RAP1A: variants seen among roughly 807,000 people sequenced by gnomAD.
RAP1A encodes the protein ras-related protein Rap-1A.
A neutral mutation model predicts 26.4 loss-of-function variants in RAP1A; 6 were observed. That is an observed-to-expected ratio of 0.23 (90% CI 0.12 to 0.45). The LOEUF is 0.45. RAP1A is among the 20% of genes least tolerant of loss of function. RAP1A has a pLI of 0.99. For synonymous variants in RAP1A, 73 were observed against 79.4 expected, an observed-to-expected ratio of 0.92 and a Z score of 0.43; for missense variants, 121 against 217.2, an observed-to-expected ratio of 0.56 and a Z score of 2.78.
intron 1 of RAP1A, among the ~76,000 whole-genome samples, chr1:111,663,516 C>T (rs1185191543): frequency 1.3e-5 from 2 of 152,194 alleles, no homozygotes; most frequent in Admixed American, 6.5e-5. Context: ...TTGCCAGGCA[C>T]TCTCCTAAGT....
chr1:111,614,689 T>C (rs981459511), intron 1 of RAP1A, among the ~76,000 whole-genome samples: 2 of 152,298 alleles, frequency 1.3e-5, no homozygotes, highest in African/African-American at 2.4e-5. Context: ...GACTTTCTTT[T>C]TGAGGGCTAG....
At chr1:111,645,857 C>T (rs1005714001) in intron 1 of RAP1A, among the ~76,000 whole-genome samples, 2 of 151,992 alleles carry the variant, frequency 1.3e-5, no homozygotes, top group African/African-American at 4.8e-5. Flanking sequence ...TGTTGATCAC[C>T]CTTGGAGTCG....
chr1:111,638,081 A>C (rs1217352914), intron 1 of RAP1A, among the ~76,000 whole-genome samples: 9 of 151,910 alleles, frequency 5.9e-5, no homozygotes, highest in African/African-American at 1.9e-4. Context: ...TTTATATAAA[A>C]CCTACATATA....
intron 1 of RAP1A, chr1:111,563,961 CTGG>C (rs747628374): frequency 6.2e-7 from 1 of 1,605,766 alleles, no homozygotes; most frequent in African/African-American, 1.3e-5. Context: ...ATTGGTCCAA[CTGG>C]TGGTCTCTAC....
intron 1 of RAP1A, among the ~76,000 whole-genome samples, chr1:111,590,447 G>T (rs1183435384): frequency 6.6e-6 from 1 of 152,038 alleles, no homozygotes; most frequent in Non-Finnish European, 1.5e-5. Context: ...TCAAGTTAGG[G>T]AATTTCCCTC....
intron 1 of RAP1A, among the ~76,000 whole-genome samples, chr1:111,613,137 T>C (rs1341712944): frequency 6.6e-6 from 1 of 150,620 alleles, no homozygotes; most frequent in African/African-American, 2.5e-5. Flanking sequence ...AGCGCTTTTT[T>C]GGTGAAAACG....
At chr1:111,589,162 A>T (rs1658428926) in intron 1 of RAP1A, among the ~76,000 whole-genome samples, 2 of 152,250 alleles carry the variant, frequency 1.3e-5, no homozygotes, top group African/African-American at 4.8e-5. Flanking sequence ...TAGTTTTAGC[A>T]TCTGGATCCA....
At position 111,677,628 on chromosome 1, in the gene RAP1A, C is replaced by G. The variant is rs149252231; in HGVS notation, c.-27-13706C>G. Among the ~76,000 whole-genome samples, 856 of 152,260 alleles carry G rather than the reference C, an allele frequency of 5.6e-3. 8 individuals carry two copies. Among genetic ancestry groups the G allele is most frequent in the African/African-American group, 0.02 (827 of 41,552 alleles). ...TTGGTGCTGGTTCTTGGTAGGAGTC[C>G]TCAGCTCCTCTTCAGGTGTGCCTCT... On this transcript the variant is annotated intron_variant, in intron 1 of 7. Transcript: ENST00000369709.
At chr1:111,590,000 G>T (rs1327990122) in intron 1 of RAP1A, among the ~76,000 whole-genome samples, 1 of 152,082 alleles carries the variant, frequency 6.6e-6, no homozygotes, top group African/African-American at 2.4e-5. Flanking sequence ...GAACTCCTGG[G>T]CTCAAGGGAT....
chr1:111,624,816 A>G (rs1659343378), intron 1 of RAP1A, among the ~76,000 whole-genome samples: 1 of 152,228 alleles, frequency 6.6e-6, no homozygotes, highest in Non-Finnish European at 1.5e-5. Flanking sequence ...ATACGCATGG[A>G]AAATTAAATG....
chr1:111,688,334 T>G (rs1487407747), intron 1 of RAP1A, among the ~76,000 whole-genome samples: 4 of 149,252 alleles, frequency 2.7e-5, no homozygotes, highest in East Asian at 1.9e-4. Flanking sequence ...TTTTTTTTTT[T>G]TTTGAGACGG....
chr1:111,602,379 A>G (rs1383231932), intron 1 of RAP1A: 1 of 152,218 alleles, frequency 6.6e-6, no homozygotes, highest in East Asian at 1.9e-4. Flanking sequence ...GGGGATAATA[A>G]TATCTACATA....
intron 1 of RAP1A, among the ~76,000 whole-genome samples, chr1:111,674,050 C>T (rs1367665683): frequency 6.6e-6 from 1 of 152,076 alleles, no homozygotes; most frequent in Non-Finnish European, 1.5e-5. Flanking sequence ...TGAGTTCTTT[C>T]CCTAGTTTCT....
At position 111,592,410 on chromosome 1, in the gene RAP1A, T is replaced by C. The variant is rs563049094; in HGVS notation, c.-28+49901T>C. ...GACAGCAGCCACTTAACCCCAGATA[T>C]TGTCCACAGAGCAAATCTAGGTATA... On this transcript the variant is annotated intron_variant, in intron 1 of 7. Coordinates refer to the RAP1A transcript ENST00000356415. Among the ~76,000 whole-genome samples, 8 of 152,294 alleles carry C rather than the reference T, an allele frequency of 5.3e-5. No individual in the cohort carries two copies. The East Asian group carries it at 1.5e-3, about 29-fold the overall frequency.
intron 3 of RAP1A, among the ~76,000 whole-genome samples, chr1:111,695,731 A>G (rs1661805937): frequency 2.0e-5 from 3 of 152,084 alleles, no homozygotes; most frequent in Admixed American, 1.3e-4. Flanking sequence ...AATTAAGACC[A>G]CCTTTATGCT....
chr1:111,704,631 CTA>C (rs1662128632), intron 6 of RAP1A, 145 bp downstream of exon 6: 3 of 910,802 alleles, frequency 3.3e-6, no homozygotes, highest in Non-Finnish European at 4.6e-6. Flanking sequence ...TTCCTGGAAA[CTA>C]TATTTTTTAG....
rs1455592972 is a variant in RAP1A at position 111,712,836 on chromosome 1, C to A, written c.*435C>A. 1.3e-5 allele frequency: 2 copies of A among 152,342 alleles called. No individual in the cohort carries two copies. Among genetic ancestry groups the A allele is most frequent in the Non-Finnish European group, 2.9e-5 (2 of 67,916 alleles). 9.4% of individuals were successfully genotyped at this position (152,342 alleles called of 1,614,324 possible). On this transcript the variant is annotated 3_prime_UTR_variant, in exon 8 of 8. Coordinates refer to ENST00000369709, the MANE Select transcript of RAP1A (RefSeq NM_002884.4). ...TAATGATACTGATTATGAAATGTCC[C>A]CTCAAACTCATTGCAGCAGATAACT...
chr1:111,643,419 G>T (rs1325191638), intron 1 of RAP1A, among the ~76,000 whole-genome samples: 2 of 152,048 alleles, frequency 1.3e-5, no homozygotes, highest in Admixed American at 6.5e-5. Context: ...CTGTACATTG[G>T]GATACTCTAG....
At chr1:111,591,863 G>T (rs1035693931) in intron 1 of RAP1A, among the ~76,000 whole-genome samples, 6 of 152,168 alleles carry the variant, frequency 3.9e-5, no homozygotes, top group Non-Finnish European at 8.8e-5. Context: ...ACATAAGAAA[G>T]ATTTAACAGC....
Sources: gnomAD v4.1 joint callset for allele counts (sites outside exome capture counted in the v4.1 genomes callset) on GRCh38, gnomAD v4.1.1 for gene constraint, MANE v1.5 for transcripts, NCBI Gene and HGNC (gene_info 2026-07-23, HGNC 2026-07-21) for gene names.